Variants in RRAGC observed in about 807,000 individuals in gnomAD.
RRAGC encodes the protein Ras related GTP binding C.
RRAGC carries 8 observed loss-of-function variants against 37.1 expected under a neutral mutation model. The ratio of observed to expected loss-of-function variants is 0.22; its 90% CI spans 0.13 to 0.39. RRAGC has a LOEUF of 0.39. RRAGC is among the 10% of genes least tolerant of loss of function. The pLI, the probability that RRAGC is intolerant of heterozygous loss-of-function variation, is 1.00. For synonymous variants in RRAGC, 190 were observed against 181.1 expected (o/e 1.05, Z -0.39); for missense variants, 342 against 497.6 (o/e 0.69, Z 2.98).
intron 3 of RRAGC, among the ~76,000 whole-genome samples, chr1:38,853,201 G>C (rs552866008): frequency 6.6e-6 from 1 of 152,224 alleles, no homozygotes; most frequent in Non-Finnish European, 1.5e-5. Flanking sequence ...AACAGGATGG[G>C]AGTCGGGACT....
rs551235557 is a variant in RRAGC at position 38,859,075 on chromosome 1, G to A, written c.237+335C>T. Among the ~76,000 whole-genome samples the A allele has an allele frequency of 3.9e-5, 6 of 152,378 alleles. No homozygotes were observed. In the East Asian group the frequency reaches 1.2e-3, roughly 29 times the overall value. On this transcript the variant is annotated intron_variant, in intron 1 of 6. Coordinates refer to ENST00000373001, the MANE Select transcript of RRAGC (RefSeq NM_022157.4). ...CGGGCCAGGGGAGGGAGTCCACGAA[G>A]TTCTCCAAGTGAGAACTGGAGAGTA...
intron 6 of RRAGC, among the ~76,000 whole-genome samples, chr1:38,841,951 A>G (rs1383690156): frequency 6.6e-6 from 1 of 152,206 alleles, no homozygotes; most frequent in Non-Finnish European, 1.5e-5. Flanking sequence ...CCTGGCTAAC[A>G]CAGTGAAACC....
At position 38,840,064 on chromosome 1, in the gene RRAGC, C is replaced by T. The variant is rs374771542; in HGVS notation, c.1049-360G>A. 1.8e-4 allele frequency among the ~76,000 whole-genome samples: 27 copies of T among 148,998 alleles called. No individual in the cohort carries two copies. In the East Asian group the frequency reaches 5.0e-3, roughly 28 times the overall value. On this transcript the variant is annotated intron_variant, in intron 6 of 6. Coordinates refer to ENST00000373001, the MANE Select transcript of RRAGC (RefSeq NM_022157.4). ...TCAGGAGGCTGAGGCAAGAGAATGG[C>T]GTGAACCTGGGAGGCAAAGCTTGCA... is the stretch of plus-strand genomic sequence containing the variant.
At chr1:38,852,238 C>A in intron 4 of RRAGC, 136 bp downstream of exon 4, 1 of 637,028 alleles carries the variant, frequency 1.6e-6, no homozygotes, top group Non-Finnish European at 2.8e-6. Context: ...ATTTATTTTA[C>A]ATGTTAAGTG....
Position 38,859,627 on chromosome 1 carries a change from GC to G in RRAGC, c.19del (p.Ala7ArgfsTer104). 1 of 1,558,788 alleles carries G rather than the reference GC, an allele frequency of 6.4e-7. No homozygotes were observed. Among genetic ancestry groups the G allele is most frequent in the Non-Finnish European group, 8.7e-7 (1 of 1,153,346 alleles). On this transcript the variant is annotated frameshift_variant, in exon 1 of 7. Coordinates refer to ENST00000373001, the MANE Select transcript of RRAGC (RefSeq NM_022157.4). LOFTEE classifies it high-confidence loss of function. ...ACTGCCGGCGAGGGGCGTCTCCTCC[GC>G]CCCGTACTGCAGGGACATGGTGCTG... The part of the protein sequence containing the change: MSLQYG[A>X]EETPLAGSYG...
At chr1:38,848,575 T>C (rs1642055069) in intron 5 of RRAGC, among the ~76,000 whole-genome samples, 1 of 152,198 alleles carries the variant, frequency 6.6e-6, no homozygotes, top group Non-Finnish European at 1.5e-5. Context: ...TAAAAATATG[T>C]TAATGACCTT....
At chr1:38,841,343 CA>C (rs1641960126) in intron 6 of RRAGC, among the ~76,000 whole-genome samples, 1 of 151,670 alleles carries the variant, frequency 6.6e-6, no homozygotes, top group South Asian at 2.1e-4. Context: ...CCTTTGTATA[CA>C]CCTGAAAATT....
chr1:38,858,822 C>G (rs1642198521), intron 1 of RRAGC, among the ~76,000 whole-genome samples: 1 of 152,244 alleles, frequency 6.6e-6, no homozygotes, highest in Non-Finnish European at 1.5e-5. Context: ...AAACACACCC[C>G]TACAGGGGGA....
intron 5 of RRAGC, 139 bp downstream of exon 5, chr1:38,851,476 A>G: frequency 4.5e-6 from 3 of 670,564 alleles, no homozygotes; most frequent in Non-Finnish European, 6.8e-6. Flanking sequence ...TCATGCTCCA[A>G]GTTAAAGCAC....
chr1:38,847,292 T>C (rs908994041), intron 5 of RRAGC: 13 of 152,076 alleles, frequency 8.5e-5, no homozygotes, highest in Non-Finnish European at 1.8e-4. Context: ...TGTGTTCTCA[T>C]ATGGTAGCAT....
Position 38,859,765 on chromosome 1 carries a change from C to T in RRAGC, c.-119G>A. ...CACCGCCACCGCCCCCGGCAGCCGC[C>T]ACAGTCCGGCCCGCCCCCCGGAGCC... On this transcript the variant is annotated 5_prime_UTR_variant, in exon 1 of 7. Transcript: ENST00000373001. 1 of 894,002 alleles carries T rather than the reference C, an allele frequency of 1.1e-6. No homozygotes were observed. Among genetic ancestry groups the T allele is most frequent in the Non-Finnish European group, 1.4e-6 (1 of 697,206 alleles). The allele number at this position is 894,002 out of a possible 1,614,324, so 55.4% of individuals were successfully genotyped here.
intron 6 of RRAGC, among the ~76,000 whole-genome samples, chr1:38,842,993 C>T (rs1641982427): frequency 6.6e-6 from 1 of 152,042 alleles, no homozygotes; most frequent in Admixed American, 6.5e-5. Context: ...AAATAAAATA[C>T]ACATAGCTCA....
chr1:38,856,810 T>C, intron 2 of RRAGC, 69 bp downstream of exon 2: 1 of 1,452,742 alleles, frequency 6.9e-7, no homozygotes, highest in Non-Finnish European at 9.6e-7. Context: ...ACAAAGAAGA[T>C]AAACAACTTT....
Position 38,845,627 on chromosome 1 carries a change from AT to A in RRAGC, c.1048+311del, listed in dbSNP as rs1202906734. On this transcript the variant is annotated intron_variant, in intron 6 of 6. Coordinates refer to ENST00000373001, the MANE Select transcript of RRAGC (RefSeq NM_022157.4). ...TATCCCAGAACTTAAAGTATAAACA[AT>A]AAATAAATAAAAGTCTAGTTTCAGT... Among the ~76,000 whole-genome samples the A allele has an allele frequency of 5.2e-4, 79 of 152,340 alleles. 1 individual carries two copies. In the East Asian group the frequency reaches 0.015, roughly 29 times the overall value.
At position 38,846,869 on chromosome 1, in the gene RRAGC, G is replaced by A. The variant is rs1470688709; in HGVS notation, c.900-782C>T. ...TGTAATCCCAGCACTTTGGGAGGTT[G>A]AGGCGGGCCACCTGTCTTGAGGTCA... On this transcript the variant is annotated intron_variant, in intron 5 of 6. Transcript: ENST00000373001. 2.0e-5 allele frequency: 3 copies of A among 152,142 alleles called. No individual in the cohort carries two copies. In the East Asian group the frequency reaches 5.8e-4, roughly 29 times the overall value. 9.4% of individuals were successfully genotyped at this position (152,142 alleles called of 1,614,324 possible). A position where few individuals can be genotyped will look rare whatever the true frequency, so the allele number is the denominator to read the frequency against.
At position 38,855,827 on chromosome 1, in the gene RRAGC, C is replaced by T; in HGVS notation, c.522G>A (p.Glu174=). ...GACCATCAACTTTGTGAATAAAAACCTCAAAATTCATGTCTGGGTTAACTT... is the reference window on the plus strand; with the variant it reads ...GACCATCAACTTTGTGAATAAAAACTTCAAAATTCATGTCTGGGTTAACTT... The part of the protein sequence containing the change: ...AYKVNPDMNF[E]VFIHKVDGLS... The change falls in exon 3 of 7, where the codon GAG becomes GAA. Residue 174 remains glutamate, a synonymous_variant. Transcript: ENST00000373001. 6.2e-7 allele frequency: 1 copy of T among 1,613,948 alleles called. No homozygotes were observed. The highest frequency in any genetic ancestry group is 8.5e-7 in the Non-Finnish European group (1 of 1,179,856).
At chr1:38,847,521 C>T (rs1642042625) in intron 5 of RRAGC, 2 of 151,978 alleles carry the variant, frequency 1.3e-5, no homozygotes, top group South Asian at 4.1e-4. Context: ...TGAGTAGTGG[C>T]TCTTTACTCC....
intron 4 of RRAGC, 34 bp downstream of exon 4, chr1:38,852,340 G>A (rs1204845324): frequency 9.3e-7 from 1 of 1,079,932 alleles, no homozygotes; most frequent in Non-Finnish European, 1.4e-6. Context: ...GGAATCAGAA[G>A]CTGCAGTGAA....
At chr1:38,847,289 T>C (rs1642038776) in intron 5 of RRAGC, 1 of 152,138 alleles carries the variant, frequency 6.6e-6, no homozygotes, top group Admixed American at 6.5e-5. Context: ...ATTTGTGTTC[T>C]CATATGGTAG....
Sources: gnomAD v4.1 joint callset for allele counts (sites outside exome capture counted in the v4.1 genomes callset) on GRCh38, gnomAD v4.1.1 for gene constraint, MANE v1.5 for transcripts, NCBI Gene and HGNC (gene_info 2026-07-23, HGNC 2026-07-21) for gene names.